Variants in ATP2B2 observed in about 807,000 individuals in gnomAD.
The protein encoded by ATP2B2 is ATPase plasma membrane Ca2+ transporting 2, also known as plasma membrane calcium-transporting ATPase 2.
Under a neutral mutation model 120.0 loss-of-function variants are expected in ATP2B2, and 15 were observed. The observed-to-expected ratio is 0.12, with a 90% CI of 0.08 to 0.19. The LOEUF (loss-of-function observed/expected upper bound fraction) is 0.19, where lower values mean the gene tolerates loss of function less well. ATP2B2 is among the 10% of genes least tolerant of loss of function. The pLI is 1.00. For missense variants in ATP2B2, 1,045 were observed against 1,719.8 expected (o/e 0.61, Z 6.94); for synonymous variants, 694 against 700.3 (o/e 0.99, Z 0.14).
chr3:10,336,457 A>G (rs904885772), intron 22 of ATP2B2, among the ~76,000 whole-genome samples: 1 of 152,246 alleles, frequency 6.6e-6, no homozygotes, highest in African/African-American at 2.4e-5. Context: ...CAAGGCTCTG[A>G]AAAACGTCTG....
At chr3:10,376,045 T>A (rs1445811298) in intron 10 of ATP2B2, among the ~76,000 whole-genome samples, 3 of 152,220 alleles carry the variant, frequency 2.0e-5, no homozygotes, top group Admixed American at 6.5e-5. Context: ...GAAGTTGGTA[T>A]CATTTATTTA....
intron 1 of ATP2B2, among the ~76,000 whole-genome samples, chr3:10,466,021 A>G (rs553447956): frequency 6.6e-6 from 1 of 152,302 alleles, no homozygotes; most frequent in South Asian, 2.1e-4. Context: ...GCTTGAATCC[A>G]GAGATCAGGA....
At chr3:10,483,783 A>T (rs1246333286) in intron 1 of ATP2B2, among the ~76,000 whole-genome samples, 1 of 152,122 alleles carries the variant, frequency 6.6e-6, no homozygotes, top group African/African-American at 2.4e-5. Flanking sequence ...TCCGGAAAAA[A>T]CTTCCAAAAA....
In ATP2B2 at chr3:10,374,394, T is replaced by A. The variant is rs2061326946; in HGVS notation, c.1416+1036A>T. ...TACACAGAACTGCCACTTTCTGGCGTCTGTCTAGAGATCTCTTTTCTGTAT... is the reference window on the plus strand; with the variant it reads ...TACACAGAACTGCCACTTTCTGGCGACTGTCTAGAGATCTCTTTTCTGTAT... On this transcript the variant is annotated intron_variant, in intron 11 of 22. Coordinates refer to ENST00000360273, the MANE Select transcript of ATP2B2 (RefSeq NM_001001331.4). 2.0e-5 allele frequency among the ~76,000 whole-genome samples: 3 copies of A among 152,216 alleles called. No individual in the cohort carries two copies. The South Asian group carries it at 6.2e-4, about 32-fold the overall frequency.
At chr3:10,481,056 A>T (rs1169268226) in intron 1 of ATP2B2, among the ~76,000 whole-genome samples, 2 of 152,208 alleles carry the variant, frequency 1.3e-5, no homozygotes, top group Non-Finnish European at 2.9e-5. Flanking sequence ...ACACACTGGT[A>T]GGAAGTCTGC....
intron 10 of ATP2B2, among the ~76,000 whole-genome samples, chr3:10,376,404 T>G (rs945886508): frequency 2.0e-5 from 3 of 152,148 alleles, no homozygotes; most frequent in Non-Finnish European, 2.9e-5. Flanking sequence ...GGGAAGAACA[T>G]TCCATGTAGA....
upstream of ATP2B2, among the ~76,000 whole-genome samples, chr3:10,507,525 C>T (rs917381610): frequency 7.2e-5 from 11 of 152,150 alleles, no homozygotes; most frequent in Admixed American, 2.6e-4. Context: ...TGGGCAAAGA[C>T]GGGCAGAGGC....
At chr3:10,385,817 A>G (rs1405519218) in intron 7 of ATP2B2, among the ~76,000 whole-genome samples, 4 of 152,212 alleles carry the variant, frequency 2.6e-5, no homozygotes, top group African/African-American at 9.7e-5. Context: ...GCTAATGGTG[A>G]TGACTTTGAC....
intron 3 of ATP2B2, among the ~76,000 whole-genome samples, chr3:10,517,174 C>A (rs372631274): frequency 6.6e-6 from 1 of 152,202 alleles, no homozygotes; most frequent in East Asian, 1.9e-4. Context: ...CCTGCCAGCT[C>A]GGTGCAGGCC....
chr3:10,410,626 C>T lies in ATP2B2; in HGVS notation c.389G>A (p.Gly130Asp), dbSNP rs780455268. The change falls in exon 3 of 23, where the codon GGC becomes GAC. Residue 130 changes from glycine (G) to aspartate (D), a missense_variant. By Grantham distance (94) the Gly-to-Asp change is moderately conservative. Transcript: ENST00000360273. ...GLSFYHPPGE[G>D]NEGCATAQGG... Reference sequence around the variant, plus strand: ...TCTGAGGCCCATCTTACCTTCGTTGCCCTCGCCGGGCGGGTGGTAGAAGGA... The same window carrying T: ...TCTGAGGCCCATCTTACCTTCGTTGTCCTCGCCGGGCGGGTGGTAGAAGGA... 6.2e-7 allele frequency: 1 copy of T among 1,605,652 alleles called. No individual in the cohort carries two copies. The highest frequency in any genetic ancestry group is 8.5e-7 in the Non-Finnish European group (1 of 1,174,030).
intron 1 of ATP2B2, among the ~76,000 whole-genome samples, chr3:10,477,027 C>G (rs554301928): frequency 1.3e-5 from 2 of 152,302 alleles, no homozygotes; most frequent in Admixed American, 1.3e-4. Flanking sequence ...AGAAGGTGAC[C>G]TGAGGTAGGC....
At chr3:10,653,290 T>C (rs984253765) in intron 1 of ATP2B2, among the ~76,000 whole-genome samples, 2 of 152,220 alleles carry the variant, frequency 1.3e-5, no homozygotes, top group African/African-American at 2.4e-5. Flanking sequence ...GCCACTCTTA[T>C]CTGCTGCAGC....
chr3:10,614,119 C>A (rs146924795), intron 2 of ATP2B2, among the ~76,000 whole-genome samples: 23 of 152,170 alleles, frequency 1.5e-4, no homozygotes, highest in African/African-American at 4.6e-4. Flanking sequence ...CCTTGACAGC[C>A]TTTACGGCAT....
At chr3:10,376,233 T>A (rs1262617339) in intron 10 of ATP2B2, among the ~76,000 whole-genome samples, 2 of 151,978 alleles carry the variant, frequency 1.3e-5, no homozygotes, top group Non-Finnish European at 2.9e-5. Context: ...AACAAGACAG[T>A]TTCAGATATG....
At chr3:10,496,703 G>T (rs2125388572) in intron 1 of ATP2B2, among the ~76,000 whole-genome samples, 1 of 152,220 alleles carries the variant, frequency 6.6e-6, no homozygotes, top group Admixed American at 6.5e-5. Flanking sequence ...CCGTGACCTG[G>T]ACATCAGCAA....
intron 1 of ATP2B2, among the ~76,000 whole-genome samples, chr3:10,503,878 C>A (rs1291992157): frequency 6.6e-6 from 1 of 152,206 alleles, no homozygotes; most frequent in Non-Finnish European, 1.5e-5. Flanking sequence ...TGTGGGCAAG[C>A]TGCATGCACA....
At chr3:10,384,337 G>T (rs2061612094) in intron 8 of ATP2B2, among the ~76,000 whole-genome samples, 1 of 152,146 alleles carries the variant, frequency 6.6e-6, no homozygotes, top group African/African-American at 2.4e-5. Context: ...ATTTTCCCCT[G>T]CCCTCAGCTC....
At chr3:10,563,163 G>A (rs1044549302) in intron 2 of ATP2B2, among the ~76,000 whole-genome samples, 9 of 152,180 alleles carry the variant, frequency 5.9e-5, no homozygotes, top group African/African-American at 1.4e-4. Context: ...GCACTGAGCC[G>A]GAACTTTGCA....
intron 1 of ATP2B2, among the ~76,000 whole-genome samples, chr3:10,624,517 A>G (rs111591558): frequency 0.017 from 2,578 of 152,298 alleles, 72 homozygotes; most frequent in African/African-American, 0.059. Context: ...TGACAATCTC[A>G]GCGCCTGAAA....
Sources: gnomAD v4.1 joint callset for allele counts (sites outside exome capture counted in the v4.1 genomes callset) on GRCh38, gnomAD v4.1.1 for gene constraint, MANE v1.5 for transcripts, NCBI Gene and HGNC (gene_info 2026-07-23, HGNC 2026-07-21) for gene names.